The following DEAF1 variants were observed in gnomAD, a reference collection of about 807,000 sequenced individuals.
The protein encoded by DEAF1 is deformed epidermal autoregulatory factor 1 homolog.
In DEAF1, 53 loss-of-function variants were observed where a neutral mutation model predicts 58.9. The observed-to-expected ratio is 0.90, with a 90% CI of 0.72 to 1.13. The LOEUF (loss-of-function observed/expected upper bound fraction) is 1.13. Ranked by LOEUF, DEAF1 falls within the 50% of genes most tolerant of loss-of-function variation. The probability of loss-of-function intolerance (pLI) is 0.00; values close to 1 mark genes in which losing one functional copy is unlikely to be tolerated. For missense variants in DEAF1, 685 were observed against 791.4 expected (o/e 0.87, Z 1.61); for synonymous variants, 385 against 340.4 (o/e 1.13, Z -1.44).
intron 10 of DEAF1, chr11:666,196 G>A (rs955198445): frequency 6.6e-6 from 1 of 152,224 alleles, no homozygotes; most frequent in Non-Finnish European, 1.5e-5. Flanking sequence ...TGCCCTAACA[G>A]CATCAACACT....
chr11:693,792 C>T (rs1195275181), intron 1 of DEAF1: 1 of 152,296 alleles, frequency 6.6e-6, no homozygotes, highest in Non-Finnish European at 1.5e-5. Context: ...AGGAGACTGA[C>T]CTGTGTGGCA....
chr11:682,799 C>T (rs1860434657), intron 6 of DEAF1, among the ~76,000 whole-genome samples: 1 of 152,170 alleles, frequency 6.6e-6, no homozygotes, highest in Non-Finnish European at 1.5e-5. Flanking sequence ...GTGGGGATGA[C>T]TGAAGAGATT....
rs1861062650 is a variant in DEAF1, at chr11:695,088, CGCCCGAAGCGCCGGTCGCGGA to C, written c.-62_-42del. ...CCTTCCCGAAGGCGCCGTCCGGGAC[CGCCCGAAGCGCCGGTCGCGGA>C]GCCCGAAGCGGGGCCCGAAGAGGAC... On this transcript the variant is annotated 5_prime_UTR_variant, in exon 1 of 12. Coordinates refer to ENST00000382409, the MANE Select transcript of DEAF1 (RefSeq NM_021008.4). The C allele has an allele frequency of 3.5e-6, 5 of 1,410,846 alleles. No homozygotes were observed. Among genetic ancestry groups the C allele is most frequent in the South Asian group, 1.4e-5 (1 of 72,890 alleles). 87.4% of individuals were successfully genotyped at this position (1,410,846 alleles called of 1,614,324 possible). A position where few individuals can be genotyped will look rare whatever the true frequency, so the allele number is the denominator to read the frequency against.
chr11:671,726 A>C (rs916120418), intron 10 of DEAF1, among the ~76,000 whole-genome samples: 2 of 151,198 alleles, frequency 1.3e-5, no homozygotes, highest in African/African-American at 4.9e-5. Context: ...AAAAAATAAA[A>C]AAATAAATTA....
At chr11:701,954 C>T (rs528360262) in intron 1 of DEAF1, among the ~76,000 whole-genome samples, 5 of 152,324 alleles carry the variant, frequency 3.3e-5, no homozygotes, top group African/African-American at 7.2e-5. Flanking sequence ...TGCTCATGGT[C>T]GTAACATGTG....
At chr11:704,727 G>A in intron 1 of DEAF1, 1 of 1,144,150 alleles carries the variant, frequency 8.7e-7, no homozygotes, top group Non-Finnish European at 1.2e-6. Flanking sequence ...GGCTCCAGGT[G>A]ACCCGGAGTG....
At chr11:657,189 C>T (rs1052548777) in intron 10 of DEAF1, among the ~76,000 whole-genome samples, 3 of 152,192 alleles carry the variant, frequency 2.0e-5, no homozygotes, top group Admixed American at 6.5e-5. Context: ...CTGCCTGGCA[C>T]CCAGGCCTCA....
At chr11:678,209 A>AC (rs1254811911) in intron 9 of DEAF1, 1 of 194,500 alleles carries the variant, frequency 5.1e-6, no homozygotes, top group Admixed American at 5.5e-5. Context: ...ACTCAGTCTC[A>AC]AAAAAATAGA....
intron 11 of DEAF1, among the ~76,000 whole-genome samples, chr11:646,925 A>G (rs1017446112): frequency 6.6e-6 from 1 of 152,150 alleles, no homozygotes; most frequent in Non-Finnish European, 1.5e-5. Flanking sequence ...CGGGAGGTTG[A>G]GGTCACTTGA....
In DEAF1 at chr11:662,965, C is replaced by T. The variant is rs368313398; in HGVS notation, c.1504-8914G>A. Among the ~76,000 whole-genome samples, 711 of 152,344 alleles carry T rather than the reference C, an allele frequency of 4.7e-3. 7 individuals are homozygous for T. The highest frequency in any genetic ancestry group is 0.02 in the South Asian group (96 of 4,830). ...GGCACGATGCCCATTCCCAGCCTCC[C>T]TGAGCACAACCGCTGTCCTGATGCT... On this transcript the variant is annotated intron_variant, in intron 10 of 11. Transcript: ENST00000382409.
rs7483427 is a variant in DEAF1, at chr11:660,456, G to A, written c.1504-6405C>T. Among the ~76,000 whole-genome samples the A allele has an allele frequency of 3.5e-3, 537 of 152,290 alleles. 2 individuals are homozygous for A. The highest frequency in any genetic ancestry group is 0.012 in the African/African-American group (508 of 41,568). ...CTCTGTGCTTTTCCCAGGCTGCCCC[G>A]CCGGCGCCGCCTCACCCCGTCCCGG... On this transcript the variant is annotated intron_variant, in intron 10 of 11. Coordinates refer to ENST00000382409, the MANE Select transcript of DEAF1 (RefSeq NM_021008.4).
At chr11:654,567 C>T (rs1183994650) in intron 10 of DEAF1, 12 of 455,280 alleles carry the variant, frequency 2.6e-5, no homozygotes, top group African/African-American at 4.0e-5. Flanking sequence ...TTGCCCCCTA[C>T]ATTCATTCAC....
In DEAF1 at chr11:701,462, G is replaced by A. The variant is rs181442121; in HGVS notation, c.-438+5110C>T. The stretch of plus-strand genomic sequence containing the variant: ...GTCTCGCTCTGTCGCCCAGGCTGGA[G>A]TGCAGTGGCGTGAACTTGGCTCACT... On this transcript the variant is annotated intron_variant, in intron 1 of 11. Coordinates refer to the DEAF1 transcript ENST00000683307. Among the ~76,000 whole-genome samples, 40 of 137,050 alleles carry A rather than the reference G, an allele frequency of 2.9e-4. No homozygotes were observed. In the East Asian group the frequency reaches 6.7e-3, roughly 23 times the overall value. The allele number at this position is 137,050 out of a possible 152,430, so 89.9% of individuals were successfully genotyped here.
At position 694,992 on chromosome 11, in the gene DEAF1, A is replaced by ACAGCGGCCGCGGCCGCCG; in HGVS notation, c.55_56insCGGCGGCCGCGGCCGCTG (p.Ala18_Val19insAlaAlaAlaAlaAlaAla). 9.4e-7 allele frequency: 1 copy of ACAGCGGCCGCGGCCGCCG among 1,061,062 alleles called. No individual in the cohort carries two copies. Among genetic ancestry groups the ACAGCGGCCGCGGCCGCCG allele is most frequent in the Non-Finnish European group, 1.1e-6 (1 of 872,354 alleles). The allele number at this position is 1,061,062 out of a possible 1,614,324, so 65.7% of individuals were successfully genotyped here. ...CGCCGCCACAGCGGCCGCGGCCGCC[A>ACAGCGGCCGCGGCCGCCG]CCGCCGCCGCCTCAGCCAGGCCCAG... On this transcript the variant is annotated inframe_insertion, in exon 1 of 12. Transcript: ENST00000382409.
At chr11:649,809 TGAGG>T (rs1858678211) in intron 11 of DEAF1, among the ~76,000 whole-genome samples, 1 of 152,036 alleles carries the variant, frequency 6.6e-6, no homozygotes, top group Non-Finnish European at 1.5e-5. Flanking sequence ...GTGGATCACC[TGAGG>T]TCAGGAGTTC....
chr11:646,575 G>A lies in DEAF1; in HGVS notation c.1594-1921C>T, dbSNP rs1023089315. ...TGGGGCCTGTGCAGATGGAGGGAGAGAGGGCGCACATCAGTGTTGACTCTG... is the reference window on the plus strand; with the variant it reads ...TGGGGCCTGTGCAGATGGAGGGAGAAAGGGCGCACATCAGTGTTGACTCTG... On this transcript the variant is annotated intron_variant, in intron 11 of 11. Transcript: ENST00000382409. 1.8e-4 allele frequency: 28 copies of A among 152,248 alleles called. 1 individual carries two copies. Among genetic ancestry groups the A allele is most frequent in the Admixed American group, 1.8e-3 (27 of 15,278 alleles). The allele number at this position is 152,248 out of a possible 1,614,324, so 9.4% of individuals were successfully genotyped here.
intron 11 of DEAF1, among the ~76,000 whole-genome samples, chr11:646,110 G>A (rs1265360256): frequency 1.3e-5 from 2 of 151,894 alleles, no homozygotes; most frequent in Admixed American, 6.6e-5. Context: ...AAAACTAGCC[G>A]CCTGTGGTCA....
chr11:677,762 G>A (rs1860141303), intron 9 of DEAF1, among the ~76,000 whole-genome samples: 1 of 117,350 alleles, frequency 8.5e-6, no homozygotes, highest in Non-Finnish European at 1.9e-5. Flanking sequence ...AGACCAGCCT[G>A]ACCAGCATGG....
At chr11:660,409 T>C (rs370638923) in intron 10 of DEAF1, among the ~76,000 whole-genome samples, 27 of 152,184 alleles carry the variant, frequency 1.8e-4, no homozygotes, top group East Asian at 5.8e-4. Flanking sequence ...AGGGTCCCCC[T>C]GAAGTGGGAC....
Sources: allele counts gnomAD v4.1 joint callset (sites outside exome capture counted in the v4.1 genomes callset), GRCh38; gene constraint gnomAD v4.1.1; transcripts MANE v1.5; gene names NCBI Gene and HGNC (gene_info 2026-07-23, HGNC 2026-07-21).